The following ATL2 variants were observed in gnomAD, a reference collection of about 807,000 sequenced individuals.
ATL2 encodes the protein atlastin GTPase 2.
Under a neutral mutation model 73.9 loss-of-function variants are expected in ATL2, and 31 were observed. That is an observed-to-expected ratio of 0.42 (90% CI 0.32 to 0.57). The LOEUF is 0.57. ATL2 is among the 20% of genes least tolerant of loss of function. The pLI is 0.14. For missense variants in ATL2, 738 were observed against 702.6 expected (o/e 1.05, Z -0.57); for synonymous variants, 291 against 237.5 (o/e 1.23, Z -2.07).
chr2:38,374,246 C>G (rs1251560764), intron 1 of ATL2, among the ~76,000 whole-genome samples: 1 of 152,170 alleles, frequency 6.6e-6, no homozygotes, highest in Non-Finnish European at 1.5e-5. Context: ...GTATCATGTG[C>G]TGTGTGGAGG....
intron 1 of ATL2, among the ~76,000 whole-genome samples, chr2:38,356,235 TGA>T (rs1670660323): frequency 6.6e-6 from 1 of 152,096 alleles, no homozygotes; most frequent in South Asian, 2.1e-4. Context: ...TTCTTTTTTT[TGA>T]GACAGGGTTT....
At chr2:38,369,479 G>C (rs1671539616) in intron 1 of ATL2, among the ~76,000 whole-genome samples, 1 of 151,468 alleles carries the variant, frequency 6.6e-6, no homozygotes, top group Non-Finnish European at 1.5e-5. Flanking sequence ...GTAGAGACGG[G>C]GTTTCACTAT....
intron 2 of ATL2, among the ~76,000 whole-genome samples, chr2:38,329,160 C>T (rs1298648604): frequency 1.4e-5 from 2 of 147,130 alleles, no homozygotes; most frequent in African/African-American, 5.0e-5. Flanking sequence ...GGCGTGGTAG[C>T]TCATGCCTGT....
intron 2 of ATL2, among the ~76,000 whole-genome samples, chr2:38,335,316 A>G (rs1421982370): frequency 2.6e-5 from 4 of 152,204 alleles, no homozygotes; most frequent in Non-Finnish European, 5.9e-5. Context: ...AGTTTTATTC[A>G]TAACAGAAAA....
At chr2:38,345,696 T>G (rs763108695) in intron 1 of ATL2, among the ~76,000 whole-genome samples, 1 of 152,228 alleles carries the variant, frequency 6.6e-6, no homozygotes, top group African/African-American at 2.4e-5. Flanking sequence ...AGTTAAATTC[T>G]AAATTAACGT....
At chr2:38,351,397 T>G (rs2124436602) in intron 1 of ATL2, among the ~76,000 whole-genome samples, 1 of 152,242 alleles carries the variant, frequency 6.6e-6, no homozygotes, top group Non-Finnish European at 1.5e-5. Context: ...ACCTCAAAAC[T>G]GGAAAGTGGC....
chr2:38,319,286 C>T (rs1487126353), intron 2 of ATL2, among the ~76,000 whole-genome samples: 1 of 152,150 alleles, frequency 6.6e-6, no homozygotes. Context: ...TGGGGTTATA[C>T]TCACTTTCCC....
At chr2:38,329,940 C>G (rs1303143298) in intron 2 of ATL2, among the ~76,000 whole-genome samples, 1 of 151,986 alleles carries the variant, frequency 6.6e-6, no homozygotes, top group Non-Finnish European at 1.5e-5. Context: ...ACCAGGCTGG[C>G]CAACATGGCA....
intron 7 of ATL2, among the ~76,000 whole-genome samples, chr2:38,312,314 C>T (rs1388597643): frequency 6.6e-6 from 1 of 152,150 alleles, no homozygotes; most frequent in African/African-American, 2.4e-5. Flanking sequence ...CAGAAATCCC[C>T]CTTGCTGTTC....
At chr2:38,319,106 G>A (rs1668182535) in intron 2 of ATL2, 87 bp from the exon 3 acceptor site, 1 of 1,414,174 alleles carries the variant, frequency 7.1e-7, no homozygotes, top group Non-Finnish European at 9.7e-7. Context: ...TTTTACAGAT[G>A]GGGAAGCTAA....
intron 2 of ATL2, among the ~76,000 whole-genome samples, chr2:38,325,711 C>CAA (rs1668603813): frequency 9.7e-6 from 1 of 102,660 alleles, no homozygotes. Context: ...CACACACACA[C>CAA]ACACACACAC....
chr2:38,335,502 T>G (rs575428625), intron 2 of ATL2, among the ~76,000 whole-genome samples: 1 of 152,198 alleles, frequency 6.6e-6, no homozygotes, highest in South Asian at 2.1e-4. Context: ...ACATACTCTA[T>G]GATTACATTT....
At chr2:38,305,597 C>T (rs1357345082) in intron 9 of ATL2, among the ~76,000 whole-genome samples, 1 of 151,806 alleles carries the variant, frequency 6.6e-6, no homozygotes, top group Non-Finnish European at 1.5e-5. Flanking sequence ...CTTCTCTGAC[C>T]ACAATGGAAT....
intron 2 of ATL2, among the ~76,000 whole-genome samples, chr2:38,332,778 A>G (rs1669074992): frequency 6.6e-6 from 1 of 152,224 alleles, no homozygotes; most frequent in Non-Finnish European, 1.5e-5. Flanking sequence ...TCCATATACT[A>G]GTACAATGTG....
In ATL2 at chr2:38,352,068, G is replaced by A. The variant is rs773224273; in HGVS notation, c.119-8556C>T. 5.2e-5 allele frequency among the ~76,000 whole-genome samples: 7 copies of A among 134,830 alleles called. No individual in the cohort carries two copies. The South Asian group carries it at 9.7e-4, about 19-fold the overall frequency. The allele number at this position is 134,830 out of a possible 152,430, so 88.5% of individuals were successfully genotyped here. On this transcript the variant is annotated intron_variant, in intron 1 of 12. Coordinates refer to ENST00000378954, the MANE Select transcript of ATL2 (RefSeq NM_001135673.4). ...GGAGGCTGCAGTGAGCCAAGATCGC[G>A]CCATTGCACTCCAGCCTGGGCGACA...
At chr2:38,327,270 T>C (rs1330219689) in intron 2 of ATL2, among the ~76,000 whole-genome samples, 1 of 151,934 alleles carries the variant, frequency 6.6e-6, no homozygotes, top group Non-Finnish European at 1.5e-5. Context: ...TAGGTGGTTA[T>C]AGTATATAGA....
Position 38,313,134 on chromosome 2 carries a change from A to G in ATL2, c.804+17T>C. 1 of 1,581,508 alleles carries G rather than the reference A, an allele frequency of 6.3e-7. No homozygotes were observed. Among genetic ancestry groups the G allele is most frequent in the Non-Finnish European group, 8.7e-7 (1 of 1,154,910 alleles). On this transcript the variant is annotated intron_variant, in intron 7 of 12. Transcript: ENST00000378954. ...GCTTGGTGCTTATGTTCTCCTCTTT[A>G]AGCATTAGGGTCTTACCTGTAATCT...
chr2:38,309,764 T>C (rs976100985), intron 8 of ATL2, among the ~76,000 whole-genome samples: 2 of 152,092 alleles, frequency 1.3e-5, no homozygotes, highest in African/African-American at 4.8e-5. Context: ...ATCAATAAAT[T>C]TGTGGACTAC....
Position 38,326,689 on chromosome 2 carries a change from T to C in ATL2, c.364-7670A>G, listed in dbSNP as rs182416710. Reference sequence around the variant, plus strand: ...GATAAGAATTACACTGGACTTCCCATTACAAATCATGCAAGCAGCTGGGAG... The same window carrying C: ...GATAAGAATTACACTGGACTTCCCACTACAAATCATGCAAGCAGCTGGGAG... On this transcript the variant is annotated intron_variant, in intron 2 of 12. Coordinates refer to ENST00000378954, the MANE Select transcript of ATL2 (RefSeq NM_001135673.4). Among the ~76,000 whole-genome samples, 344 of 152,226 alleles carry C rather than the reference T, an allele frequency of 2.3e-3. 1 individual carries two copies. The highest frequency in any genetic ancestry group is 0.02 in the South Asian group (97 of 4,822).
Sources: allele counts gnomAD v4.1 joint callset (sites outside exome capture counted in the v4.1 genomes callset), GRCh38; gene constraint gnomAD v4.1.1; transcripts MANE v1.5; gene names NCBI Gene and HGNC (gene_info 2026-07-23, HGNC 2026-07-21).